The following RNF213 variants were observed in gnomAD, a reference collection of about 807,000 sequenced individuals.
RNF213 encodes E3 ubiquitin-protein ligase RNF213.
A neutral mutation model predicts 514.4 loss-of-function variants in RNF213; 341 were observed. The observed-to-expected ratio is 0.66, with a 90% CI of 0.61 to 0.73. The LOEUF is 0.73. Ranked by LOEUF, RNF213 falls within the 30% of genes least tolerant of loss-of-function variation. The probability of loss-of-function intolerance (pLI) is 0.00; values close to 1 mark genes in which losing one functional copy is unlikely to be tolerated. For synonymous variants in RNF213, 2,655 were observed against 2,658.2 expected, an observed-to-expected ratio of 1.00 and a Z score of 0.04; for missense variants, 5,767 against 6,615.6, an observed-to-expected ratio of 0.87 and a Z score of 4.45.
chr17:80,302,375 A>G (rs2045211346), intron 11 of RNF213, among the ~76,000 whole-genome samples: 1 of 152,222 alleles, frequency 6.6e-6, no homozygotes, highest in South Asian at 2.1e-4. Flanking sequence ...TATTGTATCC[A>G]TATATTTGTA....
At chr17:80,295,999 T>C (rs2143406306) in intron 10 of RNF213, among the ~76,000 whole-genome samples, 186 bp downstream of exon 10, 1 of 152,236 alleles carries the variant, frequency 6.6e-6, no homozygotes, top group Admixed American at 6.5e-5. Flanking sequence ...TTTATTATAT[T>C]CTGTCCTCTG....
intron 13 of RNF213, among the ~76,000 whole-genome samples, chr17:80,308,286 C>T (rs2045443141): frequency 6.6e-6 from 1 of 152,056 alleles, no homozygotes; most frequent in East Asian, 1.9e-4. Flanking sequence ...AGCTCCCTAT[C>T]TCCCCACCAC....
At chr17:80,336,537 TCAC>T in intron 23 of RNF213, 159 bp downstream of exon 23, 1 of 736,694 alleles carries the variant, frequency 1.4e-6, no homozygotes, top group Non-Finnish European at 2.4e-6. Flanking sequence ...AAATGGAAAT[TCAC>T]CATCTTGTTA....
chr17:80,360,340 C>T (rs2079008960), intron 38 of RNF213, 134 bp downstream of exon 38: 1 of 998,410 alleles, frequency 1.0e-6, no homozygotes. Context: ...TTTGTTTGTG[C>T]AGTAAGCGTC....
chr17:80,321,826 A>G lies in RNF213; in HGVS notation c.3024+2514A>G, dbSNP rs568630151. 1.4e-4 allele frequency among the ~76,000 whole-genome samples: 21 copies of G among 152,074 alleles called. No individual in the cohort carries two copies. The South Asian group carries it at 4.2e-3, about 30-fold the overall frequency. ...GCGACACCTCCACCTCCTGGGTTCA[A>G]GCAATTCTCCTGCCTCAGTCTCTCG... On this transcript the variant is annotated intron_variant, in intron 17 of 67. Transcript: ENST00000582970.
chr17:80,355,927 T>C (rs2078797603), intron 36 of RNF213, among the ~76,000 whole-genome samples: 2 of 152,282 alleles, frequency 1.3e-5, no homozygotes, highest in Admixed American at 1.3e-4. Context: ...TTTCTCTCCT[T>C]GTCACGCCTT....
Position 80,397,245 on chromosome 17 carries a change from T to C in RNF213, c.*3747T>C, listed in dbSNP as rs1338378854. Reference sequence around the variant, plus strand: ...TGAATGTGGGTCCTGGCTCTCCCATTTGCCAGTTCTACAGCCATGGGCAAG... The same window carrying C: ...TGAATGTGGGTCCTGGCTCTCCCATCTGCCAGTTCTACAGCCATGGGCAAG... On this transcript the variant is annotated 3_prime_UTR_variant, in exon 68 of 68. Transcript: ENST00000582970. The C allele has an allele frequency of 6.6e-6, 1 of 152,136 alleles. No individual in the cohort carries two copies. Among genetic ancestry groups the C allele is most frequent in the Non-Finnish European group, 1.5e-5 (1 of 68,036 alleles). 9.4% of individuals were successfully genotyped at this position (152,136 alleles called of 1,614,324 possible).
At chr17:80,266,067 G>C (rs970690735) in intron 2 of RNF213, among the ~76,000 whole-genome samples, 2 of 152,112 alleles carry the variant, frequency 1.3e-5, no homozygotes, top group African/African-American at 2.4e-5. Context: ...CACTAGCAGA[G>C]ATTATGCATT....
chr17:80,342,724 A>G (rs1447633523), intron 26 of RNF213, among the ~76,000 whole-genome samples: 3 of 142,572 alleles, frequency 2.1e-5, no homozygotes, highest in Admixed American at 7.0e-5. Flanking sequence ...TATAGTATGT[A>G]TATATATATT....
chr17:80,364,695 A>T, intron 42 of RNF213, 142 bp downstream of exon 42: 1 of 921,190 alleles, frequency 1.1e-6, no homozygotes, highest in Non-Finnish European at 1.7e-6. Flanking sequence ...AGGTGATTTC[A>T]TCACTAGGCC....
Position 80,376,949 on chromosome 17 carries a change from G to A in RNF213, c.13496G>A (p.Arg4499Gln), listed in dbSNP as rs142961118. 18 of 1,613,368 alleles carry A rather than the reference G, an allele frequency of 1.1e-5. No individual in the cohort carries two copies. The highest frequency in any genetic ancestry group is 7.7e-5 in the South Asian group (7 of 91,038). The change falls in exon 53 of 68, where the codon CGA (arginine) becomes CAA (glutamine). Residue 4499 changes from arginine (R) to glutamine (Q), a missense_variant. By Grantham distance (43) the Arg-to-Gln change is conservative (BLOSUM62 1). This residue lies in a region of RNF213 where 1,245 missense variants were observed against 1,339.0 expected (regional missense o/e 0.93). Transcript: ENST00000582970. ...GCTCGGAGGTGGAAGGGTCTGGAGC[G>A]AGTCCACTGGTACAGTAAGTGTTGG... is the stretch of plus-strand genomic sequence containing the variant. The part of the protein sequence containing the change: ...AQARRWKGLE[R>Q]VHWYTCPNGH...
chr17:80,289,604 AAAAAG>A, intron 5 of RNF213, 50 bp from the exon 6 acceptor site: 2 of 1,581,060 alleles, frequency 1.3e-6, no homozygotes, highest in East Asian at 4.5e-5. Flanking sequence ...AAAAAAAAAA[AAAAAG>A]AAAATGTGGA....
In RNF213 at chr17:80,395,140, G is replaced by GA. The variant is rs2080626679; in HGVS notation, c.*1642_*1643insA. On this transcript the variant is annotated 3_prime_UTR_variant, in exon 68 of 68. Coordinates refer to ENST00000582970, the MANE Select transcript of RNF213 (RefSeq NM_001256071.3). Reference sequence around the variant, plus strand: ...GGAATTTTTCCCATTTTTATGAAGGGGTTTTAAATTGTTTCATTTTGTGTG... The same window carrying GA: ...GGAATTTTTCCCATTTTTATGAAGGGAGTTTTAAATTGTTTCATTTTGTGTG... The GA allele has an allele frequency of 6.6e-6, 1 of 151,884 alleles. No homozygotes were observed. Among genetic ancestry groups the GA allele is most frequent in the Non-Finnish European group, 1.5e-5 (1 of 68,012 alleles). The allele number at this position is 151,884 out of a possible 1,614,324, so 9.4% of individuals were successfully genotyped here. A position where few individuals can be genotyped will look rare whatever the true frequency, so the allele number is the denominator to read the frequency against.
chr17:80,341,670 C>T (rs562440650), intron 26 of RNF213: 1 of 152,156 alleles, frequency 6.6e-6, no homozygotes, highest in East Asian at 1.9e-4. Context: ...CCCAAGAGGT[C>T]GAGGCTGTGG....
intron 37 of RNF213, among the ~76,000 whole-genome samples, chr17:80,359,078 T>C (rs915838134): frequency 6.6e-6 from 1 of 152,188 alleles, no homozygotes. Flanking sequence ...CCCTGGGATC[T>C]GTGCTCCCTC....
intron 20 of RNF213, among the ~76,000 whole-genome samples, chr17:80,330,735 T>C (rs1401523620): frequency 6.6e-6 from 1 of 152,216 alleles, no homozygotes; most frequent in East Asian, 1.9e-4. Context: ...TTCTAGAAAA[T>C]GAACCATCTC....
chr17:80,361,990 G>C (rs1170401483), intron 39 of RNF213, 102 bp downstream of exon 39: 2 of 1,366,696 alleles, frequency 1.5e-6, no homozygotes, highest in African/African-American at 2.9e-5. Flanking sequence ...AGCTGGTGCT[G>C]TGAAGTCTGG....
intron 42 of RNF213, among the ~76,000 whole-genome samples, chr17:80,366,421 A>AT (rs953630474): frequency 4.0e-5 from 6 of 151,636 alleles, no homozygotes; most frequent in African/African-American, 7.3e-5. Flanking sequence ...TTACTATCTG[A>AT]TTTTTTTCAT....
intron 3 of RNF213, among the ~76,000 whole-genome samples, chr17:80,274,691 T>A (rs1239559089): frequency 7.8e-4 from 1 of 1,288 alleles, no homozygotes; most frequent in Admixed American, 8.3e-3. Context: ...GAGTGGGGTG[T>A]CTGGGGGGGG....
Sources: allele counts gnomAD v4.1 joint callset (sites outside exome capture counted in the v4.1 genomes callset), GRCh38; gene constraint gnomAD v4.1.1; regional missense constraint gnomAD v4.1.1; transcripts MANE v1.5; gene names NCBI Gene and HGNC (gene_info 2026-07-23, HGNC 2026-07-21).